The following FAM184B variants were observed in gnomAD, a reference collection of about 807,000 sequenced individuals.
The protein encoded by FAM184B is family with sequence similarity 184 member B, also known as protein FAM184B.
In FAM184B, 111 loss-of-function variants were observed where a neutral mutation model predicts 135.9. The observed-to-expected ratio is 0.82, with a 90% CI of 0.70 to 0.96. The LOEUF (loss-of-function observed/expected upper bound fraction) is 0.96. FAM184B is among the 40% of genes least tolerant of loss of function. The pLI is 0.00. For synonymous variants in FAM184B, 552 were observed against 524.8 expected (o/e 1.05, Z -0.71); for missense variants, 1,375 against 1,323.9 (o/e 1.04, Z -0.60).
chr4:17,692,170 C>T (rs766649076), intron 6 of FAM184B, among the ~76,000 whole-genome samples: 13 of 151,062 alleles, frequency 8.6e-5, no homozygotes, highest in African/African-American at 1.7e-4. Context: ...TTCAACAGGG[C>T]GAGAGGAAGA....
chr4:17,641,071 C>T (rs986030099), intron 13 of FAM184B, among the ~76,000 whole-genome samples: 2 of 152,156 alleles, frequency 1.3e-5, no homozygotes, highest in Admixed American at 1.3e-4. Flanking sequence ...GTAGCCGGGA[C>T]TGCAGGCATG....
chr4:17,729,009 G>A (rs550015499), intron 1 of FAM184B, among the ~76,000 whole-genome samples: 1 of 152,282 alleles, frequency 6.6e-6, no homozygotes, highest in South Asian at 2.1e-4. Context: ...CAAAGAAAGG[G>A]GTGACAGACG....
chr4:17,646,556 G>T (rs919400198), intron 12 of FAM184B, among the ~76,000 whole-genome samples: 8 of 151,578 alleles, frequency 5.3e-5, no homozygotes, highest in Non-Finnish European at 8.8e-5. Context: ...CAGGAAGGGG[G>T]ACATCACACA....
chr4:17,740,721 T>G (rs868306919), intron 1 of FAM184B, among the ~76,000 whole-genome samples: 2 of 152,226 alleles, frequency 1.3e-5, no homozygotes, highest in Middle Eastern at 3.2e-3. Flanking sequence ...ATTATACTTA[T>G]CTAATATTTA....
At chr4:17,745,630 C>G (rs758647670) in intron 1 of FAM184B, among the ~76,000 whole-genome samples, 2 of 152,158 alleles carry the variant, frequency 1.3e-5, no homozygotes, top group Non-Finnish European at 2.9e-5. Context: ...ATAGGTGCAC[C>G]CTGCCTACTC....
intron 1 of FAM184B, among the ~76,000 whole-genome samples, chr4:17,742,168 A>ATATTTTTTTTTT (rs1459958150): frequency 9.1e-6 from 1 of 109,310 alleles, no homozygotes; most frequent in African/African-American, 4.8e-5. Context: ...ATATATATAT[A>ATATTTTTTTTTT]TTTTTTTTTT....
In FAM184B at chr4:17,781,278, T is replaced by C. The variant is rs982401609; in HGVS notation, c.22A>G (p.Lys8Glu). MASALNS[K>E]INPPGTCQGS... ...TGGCAAGTGCCGGGCGGGTTAATTT[T>C]GCTGTTGAGAGCAGAAGCCATCGCT... Residue 8 changes from lysine to glutamate, a missense_variant, in exon 1 of 18, where the codon AAA becomes GAA. Lys to Glu is a moderately conservative substitution (Grantham distance 56). Coordinates refer to ENST00000265018, the MANE Select transcript of FAM184B (RefSeq NM_015688.2). The surrounding 1 kb of genome is among the most constrained non-coding windows in gnomAD (Gnocchi z 6.5). 1.2e-5 allele frequency: 18 copies of C among 1,549,528 alleles called. No individual in the cohort carries two copies. Among genetic ancestry groups the C allele is most frequent in the Non-Finnish European group, 1.5e-5 (17 of 1,145,856 alleles).
intron 1 of FAM184B, among the ~76,000 whole-genome samples, chr4:17,759,420 C>T (rs1000006007): frequency 1.3e-5 from 2 of 152,212 alleles, no homozygotes; most frequent in African/African-American, 4.8e-5. Context: ...GCTTCCAGTA[C>T]AGCCTGCAGA....
intron 1 of FAM184B, among the ~76,000 whole-genome samples, chr4:17,762,602 A>G (rs1317156679): frequency 1.3e-5 from 2 of 152,218 alleles, no homozygotes; most frequent in Non-Finnish European, 2.9e-5. Context: ...GATCGACCAA[A>G]GCAAGTTGCA....
chr4:17,705,245 G>A, intron 4 of FAM184B, 39 bp from the exon 5 acceptor site: 1 of 1,455,876 alleles, frequency 6.9e-7, no homozygotes, highest in Non-Finnish European at 9.4e-7. Flanking sequence ...CCACTGGGGA[G>A]GGGTGAGGAG....
chr4:17,654,972 G>A (rs948567858), intron 10 of FAM184B, among the ~76,000 whole-genome samples: 3 of 152,052 alleles, frequency 2.0e-5, no homozygotes, highest in Non-Finnish European at 4.4e-5. Context: ...CCATCTCAGC[G>A]TCTTGAGTAG....
At chr4:17,733,865 T>C (rs1577282048) in intron 1 of FAM184B, among the ~76,000 whole-genome samples, 1 of 152,228 alleles carries the variant, frequency 6.6e-6, no homozygotes, top group African/African-American at 2.4e-5. Flanking sequence ...GAGCCCGCAT[T>C]GCCAAGTCAA....
intron 1 of FAM184B, among the ~76,000 whole-genome samples, chr4:17,762,137 C>T (rs115767606): frequency 4.5e-4 from 69 of 152,238 alleles, no homozygotes; most frequent in African/African-American, 1.6e-3. Flanking sequence ...TCCTCCATAC[C>T]GATGAATGGA....
At chr4:17,700,927 A>G (rs1449430206) in intron 5 of FAM184B, among the ~76,000 whole-genome samples, 2 of 152,224 alleles carry the variant, frequency 1.3e-5, no homozygotes, top group Non-Finnish European at 2.9e-5. Flanking sequence ...TGAAAAAAAA[A>G]TCTGAGATTT....
chr4:17,682,376 T>C (rs948937010), intron 7 of FAM184B, among the ~76,000 whole-genome samples: 3 of 152,110 alleles, frequency 2.0e-5, no homozygotes, highest in African/African-American at 7.2e-5. Flanking sequence ...GGGGACAGAG[T>C]CACACCCACG....
chr4:17,704,559 G>T (rs1226475548), intron 5 of FAM184B, among the ~76,000 whole-genome samples: 1 of 152,186 alleles, frequency 6.6e-6, no homozygotes. Context: ...GAGGCATGTG[G>T]AATTGCCCTC....
At chr4:17,733,571 C>T (rs948205808) in intron 1 of FAM184B, among the ~76,000 whole-genome samples, 38 of 152,164 alleles carry the variant, frequency 2.5e-4, no homozygotes, top group African/African-American at 8.9e-4. Flanking sequence ...AGTGAACTCC[C>T]ATTCACAATT....
At chr4:17,772,805 T>C (rs1203128081) in intron 1 of FAM184B, among the ~76,000 whole-genome samples, 2 of 152,222 alleles carry the variant, frequency 1.3e-5, no homozygotes, top group South Asian at 2.1e-4. Flanking sequence ...CCGGTCACAA[T>C]GCTAGGCCAG....
intron 1 of FAM184B, among the ~76,000 whole-genome samples, chr4:17,716,542 C>T (rs1717404375): frequency 6.6e-6 from 1 of 151,936 alleles, no homozygotes; most frequent in African/African-American, 2.4e-5. Flanking sequence ...GACAGGGTCT[C>T]ATTATGTTGC....
Sources: gnomAD v4.1 joint callset for allele counts (sites outside exome capture counted in the v4.1 genomes callset) on GRCh38, gnomAD v4.1.1 for gene constraint, Gnocchi (gnomAD v3.1) non-coding constraint, MANE v1.5 for transcripts, NCBI Gene and HGNC (gene_info 2026-07-23, HGNC 2026-07-21) for gene names.